RASGEF1C: variants seen among roughly 807,000 people sequenced by gnomAD.
The protein encoded by RASGEF1C is ras-GEF domain-containing family member 1C.
In RASGEF1C, 27 loss-of-function variants were observed where a neutral mutation model predicts 58.1. The observed-to-expected ratio is 0.46, with a 90% CI of 0.34 to 0.64. The LOEUF is 0.64. Ranked by LOEUF, RASGEF1C falls within the 30% of genes least tolerant of loss-of-function variation. RASGEF1C has a pLI of 0.01. For missense variants in RASGEF1C, 502 were observed against 605.1 expected (o/e 0.83, Z 1.79); for synonymous variants, 243 against 246.3 (o/e 0.99, Z 0.13).
At chr5:180,208,840 A>G (rs1561762680) in intron 1 of RASGEF1C, among the ~76,000 whole-genome samples, 188 bp downstream of exon 1, 3 of 149,594 alleles carry the variant, frequency 2.0e-5, no homozygotes, top group Admixed American at 6.6e-5. Flanking sequence ...CCTACCCGCT[A>G]CCCCCGCGCC....
intron 1 of RASGEF1C, among the ~76,000 whole-genome samples, chr5:180,182,187 A>T (rs1270770198): frequency 8.1e-6 from 1 of 122,774 alleles, no homozygotes; most frequent in Non-Finnish European, 1.7e-5. Context: ...CCTGGGCAAC[A>T]GAGCAAGACT....
intron 1 of RASGEF1C, among the ~76,000 whole-genome samples, chr5:180,191,701 G>A (rs1023250920): frequency 2.0e-5 from 3 of 152,332 alleles, no homozygotes; most frequent in South Asian, 2.1e-4. Context: ...CCACCCAAAC[G>A]TCCATCAGCA....
intron 12 of RASGEF1C, among the ~76,000 whole-genome samples, chr5:180,110,071 G>A (rs186388148): frequency 3.9e-5 from 6 of 152,300 alleles, no homozygotes; most frequent in African/African-American, 1.4e-4. Flanking sequence ...GTGGATTGAG[G>A]GTAATTGTGT....
chr5:180,161,129 T>C (rs1203495116), intron 1 of RASGEF1C, among the ~76,000 whole-genome samples: 2 of 152,088 alleles, frequency 1.3e-5, no homozygotes, highest in South Asian at 2.1e-4. Flanking sequence ...CAGAGAAAAA[T>C]GGGACTCTTC....
intron 10 of RASGEF1C, among the ~76,000 whole-genome samples, chr5:180,117,871 A>G (rs1766094989): frequency 2.0e-5 from 3 of 151,854 alleles, no homozygotes; most frequent in African/African-American, 4.8e-5. Context: ...GCATGTGCCT[A>G]TAATCCCAGC....
chr5:180,189,788 T>A (rs1468209350), intron 1 of RASGEF1C, among the ~76,000 whole-genome samples: 11 of 151,410 alleles, frequency 7.3e-5, no homozygotes, highest in African/African-American at 2.4e-5. Flanking sequence ...CCAGGCATGG[T>A]GGTGGGTGCC....
intron 1 of RASGEF1C, among the ~76,000 whole-genome samples, chr5:180,185,250 C>T (rs1036919716): frequency 1.3e-5 from 2 of 151,232 alleles, no homozygotes; most frequent in African/African-American, 4.9e-5. Context: ...GAGATCGCGC[C>T]ACTGCACTCC....
At position 180,102,143 on chromosome 5, in the gene RASGEF1C, C is replaced by G. The variant is rs1765798633; in HGVS notation, c.1304G>C (p.Gly435Ala). ...ACTTTCGTAAGAAGCCAAATAAAGA[C>G]CTAGACAGAAAATGAAGTGAAATTT... ...LYTAPIFSED[G>A]LYLASYESES... The change falls in exon 13 of 14, where the codon GGT (glycine) becomes GCT (alanine). Residue 435 changes from glycine (G) to alanine (A), a missense_variant and splice_region_variant. Coordinates refer to ENST00000361132, the MANE Select transcript of RASGEF1C (RefSeq NM_175062.4). 1 of 1,552,088 alleles carries G rather than the reference C, an allele frequency of 6.4e-7. No homozygotes were observed. The highest frequency in any genetic ancestry group is 1.7e-5 in the Admixed American group (1 of 59,808).
intron 1 of RASGEF1C, among the ~76,000 whole-genome samples, chr5:180,154,644 A>C (rs2113295592): frequency 6.6e-6 from 1 of 150,400 alleles, no homozygotes; most frequent in South Asian, 2.1e-4. Flanking sequence ...GCAGTGGTGC[A>C]AACTCAGCTC....
intron 10 of RASGEF1C, among the ~76,000 whole-genome samples, chr5:180,118,296 C>CCA (rs1766103012): frequency 2.0e-5 from 3 of 152,124 alleles, no homozygotes; most frequent in African/African-American, 7.2e-5. Flanking sequence ...AGAGGAGAGG[C>CCA]CATGGGGGCT....
intron 4 of RASGEF1C, among the ~76,000 whole-genome samples, chr5:180,131,214 C>T (rs886649856): frequency 6.6e-6 from 1 of 152,158 alleles, no homozygotes; most frequent in African/African-American, 2.4e-5. Flanking sequence ...AAAATGCCTC[C>T]ATGGCTTGTG....
At chr5:180,149,031 A>G (rs1766704244) in intron 1 of RASGEF1C, among the ~76,000 whole-genome samples, 1 of 149,692 alleles carries the variant, frequency 6.7e-6, no homozygotes, top group South Asian at 2.1e-4. Flanking sequence ...GAATACATCA[A>G]CCGATTGCCT....
chr5:180,209,024 T>A lies in RASGEF1C; in HGVS notation c.-7+4A>T, dbSNP rs1163085001. On this transcript the variant is annotated splice_donor_region_variant and intron_variant, in intron 1 of 13. Coordinates refer to ENST00000361132, the MANE Select transcript of RASGEF1C (RefSeq NM_175062.4). ...CAGGTGTCCCTCGGCCGCGCACCAC[T>A]CACCGGCTCCCGGCGCGCCGGAACT... 1 of 142,904 alleles carries A rather than the reference T, an allele frequency of 7.0e-6. No homozygotes were observed. The highest frequency in any genetic ancestry group is 2.1e-4 in the East Asian group (1 of 4,814). 8.9% of individuals were successfully genotyped at this position (142,904 alleles called of 1,614,324 possible).
chr5:180,174,464 C>A (rs879576547), intron 1 of RASGEF1C, among the ~76,000 whole-genome samples: 22,864 of 139,942 alleles, frequency 0.16, 1,841 homozygotes, highest in African/African-American at 0.23. Context: ...GTGTGCATGT[C>A]TGTGTGTATG....
Position 180,143,479 on chromosome 5 carries a change from G to A in RASGEF1C, c.-6-5421C>T, listed in dbSNP as rs1028452243. 1.3e-5 allele frequency among the ~76,000 whole-genome samples: 2 copies of A among 152,346 alleles called. No homozygotes were observed. The highest frequency in any genetic ancestry group is 1.9e-4 in the East Asian group (1 of 5,184). On this transcript the variant is annotated intron_variant, in intron 1 of 13. Coordinates refer to ENST00000361132, the MANE Select transcript of RASGEF1C (RefSeq NM_175062.4). The surrounding 1 kb of genome is among the most constrained non-coding windows in gnomAD (Gnocchi z 4.3). ...AATGGTCACCTGCCCCCAGCCAGTT[G>A]AAAACGTGCCCAAGGGCCCTGCTGT... is the stretch of plus-strand genomic sequence containing the variant.
intron 1 of RASGEF1C, among the ~76,000 whole-genome samples, chr5:180,152,865 T>G (rs952827621): frequency 6.9e-6 from 1 of 144,164 alleles, no homozygotes; most frequent in Admixed American, 7.2e-5. Flanking sequence ...GGGCCGAGAT[T>G]GCGCCACTGC....
intron 10 of RASGEF1C, 127 bp from the exon 11 acceptor site, chr5:180,114,668 C>CAGGGGA: frequency 1.3e-6 from 1 of 780,654 alleles, no homozygotes; most frequent in South Asian, 1.6e-5. Context: ...GTGCAGAGGG[C>CAGGGGA]AGGGGAGACT....
intron 1 of RASGEF1C, among the ~76,000 whole-genome samples, chr5:180,138,812 A>G (rs1766530414): frequency 6.6e-6 from 1 of 151,970 alleles, no homozygotes; most frequent in African/African-American, 2.4e-5. Flanking sequence ...TGCCTTCTCC[A>G]ACTCTGAACC....
chr5:180,134,921 C>T (rs962084399), intron 4 of RASGEF1C, among the ~76,000 whole-genome samples: 4 of 147,906 alleles, frequency 2.7e-5, no homozygotes, highest in South Asian at 4.5e-4. Context: ...CATCCACTTA[C>T]CCCATGCATC....
Sources: gnomAD v4.1 joint callset for allele counts (sites outside exome capture counted in the v4.1 genomes callset) on GRCh38, gnomAD v4.1.1 for gene constraint, Gnocchi (gnomAD v3.1) non-coding constraint, MANE v1.5 for transcripts, NCBI Gene and HGNC (gene_info 2026-07-23, HGNC 2026-07-21) for gene names.